Variants in NAA40 observed in about 807,000 individuals in gnomAD.
NAA40 encodes the protein N-alpha-acetyltransferase 40.
In NAA40, 26 loss-of-function variants were observed where a neutral mutation model predicts 36.6. That is an observed-to-expected ratio of 0.71 (90% confidence interval 0.52 to 0.98). NAA40 has a LOEUF of 0.98. Ranked by LOEUF, NAA40 falls within the 50% of genes least tolerant of loss-of-function variation. NAA40 has a pLI of 0.00. For synonymous variants in NAA40, 129 were observed against 108.4 expected (o/e 1.19, Z -1.18); for missense variants, 237 against 306.5 (o/e 0.77, Z 1.69).
At chr11:63,952,051 G>T in intron 3 of NAA40, 187 bp from the exon 4 acceptor site, 1 of 557,562 alleles carries the variant, frequency 1.8e-6, no homozygotes, top group Non-Finnish European at 3.2e-6. Context: ...GGCCACAGTT[G>T]TTAATCTCAG....
intron 1 of NAA40, among the ~76,000 whole-genome samples, chr11:63,943,966 G>T (rs1221941959): frequency 6.6e-6 from 1 of 152,208 alleles, no homozygotes; most frequent in Non-Finnish European, 1.5e-5. Context: ...TATGAAGACA[G>T]TCTATTCTCT....
chr11:63,939,294 A>C, intron 1 of NAA40, 192 bp downstream of exon 1: 1 of 1,274,902 alleles, frequency 7.8e-7, no homozygotes, highest in Non-Finnish European at 9.9e-7. Context: ...TCCTCTGGAG[A>C]GCCCCTGGTC....
intron 1 of NAA40, among the ~76,000 whole-genome samples, chr11:63,941,529 C>G (rs1942108755): frequency 6.6e-6 from 1 of 152,106 alleles, no homozygotes; most frequent in South Asian, 2.1e-4. Flanking sequence ...GGCTCCTCCT[C>G]CCATCTGGAT....
chr11:63,945,732 A>C, intron 1 of NAA40, 108 bp from the exon 2 acceptor site: 1 of 960,632 alleles, frequency 1.0e-6, no homozygotes, highest in Admixed American at 1.9e-5. Context: ...GAAATTTCTC[A>C]CTGCTGGGCC....
At chr11:63,942,370 TC>T (rs1942122007) in intron 1 of NAA40, among the ~76,000 whole-genome samples, 1 of 152,074 alleles carries the variant, frequency 6.6e-6, no homozygotes, top group Non-Finnish European at 1.5e-5. Context: ...TAAACAGAAG[TC>T]CCCTCCTGCG....
rs1565176250 is a variant in NAA40, at chr11:63,957,214, T to TA, written c.*2735_*2736insA. The stretch of plus-strand genomic sequence containing the variant: ...TTGATATATATATATATATATATAT[T>TA]TTTTTTTTTCTTTAGCAGCTTGTTA... On this transcript the variant is annotated 3_prime_UTR_variant, in exon 8 of 8. Coordinates refer to ENST00000377793, the MANE Select transcript of NAA40 (RefSeq NM_024771.4). The TA allele has an allele frequency of 0.013, 801 of 63,400 alleles. 1 individual carries two copies. Among genetic ancestry groups the TA allele is most frequent in the Non-Finnish European group, 0.026 (591 of 22,812 alleles). The allele number at this position is 63,400 out of a possible 1,614,324, so 3.9% of individuals were successfully genotyped here. A position where few individuals can be genotyped will look rare whatever the true frequency, so the allele number is the denominator to read the frequency against.
At chr11:63,941,445 A>T (rs1276918897) in intron 1 of NAA40, among the ~76,000 whole-genome samples, 3 of 152,210 alleles carry the variant, frequency 2.0e-5, no homozygotes, top group Non-Finnish European at 2.9e-5. Flanking sequence ...TTCTTTTTGG[A>T]TATTGGATAG....
intron 1 of NAA40, among the ~76,000 whole-genome samples, chr11:63,944,353 A>G (rs1053705671): frequency 2.0e-4 from 30 of 152,148 alleles, no homozygotes; most frequent in African/African-American, 6.3e-4. Context: ...GGAGGTGTCA[A>G]AAGAGGCTGC....
intron 3 of NAA40, among the ~76,000 whole-genome samples, chr11:63,951,191 G>A (rs10897464): frequency 0.52 from 78,683 of 152,060 alleles, 21,896 homozygotes; most frequent in East Asian, 0.87. Flanking sequence ...AGTCCTTTCA[G>A]AATGTAGTGC....
intron 1 of NAA40, among the ~76,000 whole-genome samples, chr11:63,943,390 G>A (rs1029873564): frequency 3.9e-5 from 6 of 152,296 alleles, no homozygotes; most frequent in African/African-American, 1.2e-4. Context: ...AGGAGTTGCC[G>A]AGTGGTTGCT....
intron 6 of NAA40, 147 bp downstream of exon 6, chr11:63,952,986 A>G (rs1257115323): frequency 1.9e-6 from 1 of 521,532 alleles, no homozygotes; most frequent in Non-Finnish European, 3.5e-6. Flanking sequence ...TCTCAGTAAG[A>G]TGCTCCCTGC....
At chr11:63,946,261 A>T in intron 2 of NAA40, 1 of 299,366 alleles carries the variant, frequency 3.3e-6, no homozygotes, top group Non-Finnish European at 6.4e-6. Flanking sequence ...GCTGGAATGC[A>T]GTGGCACTAT....
At chr11:63,941,057 G>A (rs972660363) in intron 1 of NAA40, among the ~76,000 whole-genome samples, 1 of 152,132 alleles carries the variant, frequency 6.6e-6, no homozygotes. Flanking sequence ...CATAAGACAG[G>A]GTGAAGGAAA....
intron 6 of NAA40, among the ~76,000 whole-genome samples, chr11:63,953,514 G>A (rs1371395951): frequency 6.7e-6 from 1 of 150,234 alleles, no homozygotes; most frequent in African/African-American, 2.5e-5. Flanking sequence ...TGCTGTGTGG[G>A]GGTCCAAGAC....
intron 2 of NAA40, 61 bp from the exon 3 acceptor site, chr11:63,946,890 G>A: frequency 6.2e-7 from 1 of 1,607,422 alleles, no homozygotes; most frequent in South Asian, 1.1e-5. Context: ...CAGCTCTTGG[G>A]ATAGGATCTG....
At position 63,939,082 on chromosome 11, in the gene NAA40, G is replaced by A. The variant is rs1343685321; in HGVS notation, c.-15G>A. The A allele has an allele frequency of 6.2e-7, 1 of 1,604,878 alleles. No individual in the cohort carries two copies. ...CAAGTGTGTGAAGAAGAAGCTGAGC[G>A]TTGTCGCCGCCGCTATGGGGGTGAG... On this transcript the variant is annotated 5_prime_UTR_variant, in exon 1 of 8. Coordinates refer to ENST00000377793, the MANE Select transcript of NAA40 (RefSeq NM_024771.4).
At chr11:63,950,350 C>A (rs965859946) in intron 3 of NAA40, among the ~76,000 whole-genome samples, 8 of 152,276 alleles carry the variant, frequency 5.3e-5, no homozygotes, top group African/African-American at 1.9e-4. Flanking sequence ...AACTCCTGAC[C>A]TCAGGTGATC....
intron 6 of NAA40, 84 bp downstream of exon 6, chr11:63,952,923 G>A (rs1565173820): frequency 1.6e-6 from 2 of 1,213,636 alleles, no homozygotes; most frequent in Non-Finnish European, 2.4e-6. Flanking sequence ...TTTGAGCCTT[G>A]TTGGAGGAGG....
rs1281559012 is a variant in NAA40, at chr11:63,954,739, G to A, written c.*260G>A. 2 of 336,264 alleles carry A rather than the reference G, an allele frequency of 5.9e-6. No homozygotes were observed. The highest frequency in any genetic ancestry group is 1.1e-5 in the Non-Finnish European group (2 of 187,388). The allele number at this position is 336,264 out of a possible 1,614,324, so 20.8% of individuals were successfully genotyped here. A position where few individuals can be genotyped will look rare whatever the true frequency, so the allele number is the denominator to read the frequency against. On this transcript the variant is annotated 3_prime_UTR_variant, in exon 8 of 8. Transcript: ENST00000377793. Reference sequence around the variant, plus strand: ...GCAGTGAAGCTCATCCTCCACAGTGGCTGCCTCCTCATTTGGCTCCTGGGG... The same window carrying A: ...GCAGTGAAGCTCATCCTCCACAGTGACTGCCTCCTCATTTGGCTCCTGGGG...
Sources: allele counts gnomAD v4.1 joint callset (sites outside exome capture counted in the v4.1 genomes callset), GRCh38; gene constraint gnomAD v4.1.1; transcripts MANE v1.5; gene names NCBI Gene and HGNC (gene_info 2026-07-23, HGNC 2026-07-21).